RBM33: variants seen among roughly 807,000 people sequenced by gnomAD.
The protein encoded by RBM33 is RNA binding motif protein 33, also known as RNA-binding protein 33.
Under a neutral mutation model 132.6 loss-of-function variants are expected in RBM33, and 28 were observed. The ratio of observed to expected loss-of-function variants is 0.21; its 90% CI spans 0.16 to 0.29. RBM33 has a LOEUF of 0.29. Among genes scored for constraint, RBM33 ranks in the 10% least tolerant of loss-of-function variants. RBM33 has a pLI of 1.00. For missense variants in RBM33, 1,291 were observed against 1,518.5 expected, an observed-to-expected ratio of 0.85 and a Z score of 2.49; for synonymous variants, 634 against 593.0, an observed-to-expected ratio of 1.07 and a Z score of -1.01.
At chr7:155,715,811 A>G (rs551907505) in intron 8 of RBM33, among the ~76,000 whole-genome samples, 2 of 152,366 alleles carry the variant, frequency 1.3e-5, no homozygotes, top group African/African-American at 2.4e-5. Context: ...CTGAATATCA[A>G]GATGTCTCCT....
rs753401423 is a variant in RBM33, at chr7:155,763,967, G to T, written c.3135G>T (p.Ser1045=). ...PHLPAGPHAH[S]PVPPGIKSIQ... The stretch of plus-strand genomic sequence containing the variant: ...TGCCAGCGGGGCCCCACGCACACTC[G>T]CCTGTCCCTCCAGGGATCAAAAGCA... Residue 1045 remains serine (S), a synonymous_variant, in exon 15 of 18, where the codon TCG becomes TCT. Transcript: ENST00000401878. 1.3e-6 allele frequency: 2 copies of T among 1,595,514 alleles called. No individual in the cohort carries two copies. The highest frequency in any genetic ancestry group is 1.7e-6 in the Non-Finnish European group (2 of 1,171,300).
intron 14 of RBM33, chr7:155,746,372 A>G (rs892975662): frequency 7.2e-6 from 1 of 139,006 alleles, no homozygotes; most frequent in African/African-American, 2.8e-5. Flanking sequence ...TGCCCCATTT[A>G]AAAAAAAAAA....
At chr7:155,694,819 T>C (rs1799747456) in intron 5 of RBM33, among the ~76,000 whole-genome samples, 1 of 152,248 alleles carries the variant, frequency 6.6e-6, no homozygotes, top group Non-Finnish European at 1.5e-5. Flanking sequence ...ACATTTGGGT[T>C]GTTTCCAGTT....
chr7:155,738,385 C>G lies in RBM33; in HGVS notation c.1719C>G (p.His573Gln), dbSNP rs750376006. The change falls in exon 11 of 18, where the codon CAC (histidine) becomes CAG (glutamine). Residue 573 changes from histidine (H) to glutamine (Q), a missense_variant. His to Gln is a conservative substitution (Grantham distance 24, BLOSUM62 0). Coordinates refer to ENST00000401878, the MANE Select transcript of RBM33 (RefSeq NM_053043.3). ...PGPGQPFLPT[H>Q]TQPNLQGPLH... Reference sequence around the variant, plus strand: ...CAGGACAGCCGTTTCTGCCCACACACACACAGCCCAACCTGCAGGTAATGC... The same window carrying G: ...CAGGACAGCCGTTTCTGCCCACACAGACACAGCCCAACCTGCAGGTAATGC... 3 of 1,613,244 alleles carry G rather than the reference C, an allele frequency of 1.9e-6. No individual in the cohort carries two copies. The African/African-American group carries it at 4.0e-5, about 22-fold the overall frequency.
intron 15 of RBM33, among the ~76,000 whole-genome samples, chr7:155,765,582 G>A (rs192257025): frequency 7.9e-5 from 12 of 152,154 alleles, no homozygotes; most frequent in South Asian, 4.2e-4. Context: ...CATTCTGCCC[G>A]AACTCCCCAA....
intron 9 of RBM33, among the ~76,000 whole-genome samples, chr7:155,729,908 C>T (rs569274265): frequency 2.8e-4 from 42 of 152,102 alleles, no homozygotes; most frequent in Non-Finnish European, 5.4e-4. Flanking sequence ...GTTCACTGCC[C>T]GAGGTCTAGG....
At chr7:155,719,473 T>C (rs1018176161) in intron 9 of RBM33, among the ~76,000 whole-genome samples, 3 of 152,218 alleles carry the variant, frequency 2.0e-5, no homozygotes, top group Non-Finnish European at 4.4e-5. Flanking sequence ...CTTGTAGTTA[T>C]GAATTATGAC....
intron 14 of RBM33, among the ~76,000 whole-genome samples, chr7:155,749,883 G>C (rs1225729205): frequency 6.6e-6 from 1 of 152,222 alleles, no homozygotes; most frequent in East Asian, 1.9e-4. Flanking sequence ...GAACATTTCT[G>C]TGTGAATCAA....
intron 9 of RBM33, among the ~76,000 whole-genome samples, chr7:155,724,387 G>T (rs994827800): frequency 2.6e-5 from 4 of 152,146 alleles, no homozygotes; most frequent in African/African-American, 9.7e-5. Context: ...AATTAGTTGG[G>T]CATGGTGGCG....
chr7:155,717,493 C>T (rs1255509146), intron 8 of RBM33, among the ~76,000 whole-genome samples: 3 of 66,568 alleles, frequency 4.5e-5, no homozygotes, highest in African/African-American at 1.3e-4. Flanking sequence ...TTCTGAGGTA[C>T]GGGGGGTTGG....
Position 155,664,479 on chromosome 7 carries a change from C to T in RBM33, c.44-696C>T, listed in dbSNP as rs116008571. Among the ~76,000 whole-genome samples, 571 of 151,732 alleles carry T rather than the reference C, an allele frequency of 3.8e-3. 4 individuals are homozygous for T. Among genetic ancestry groups the T allele is most frequent in the African/African-American group, 0.013 (550 of 41,338 alleles). ...AGAGGTGGGGCTTTGCTATGTTGGC[C>T]GAGCTGGTCTCAAACGCCTGACCTC... is the stretch of plus-strand genomic sequence containing the variant. On this transcript the variant is annotated intron_variant, in intron 1 of 17. Coordinates refer to ENST00000401878, the MANE Select transcript of RBM33 (RefSeq NM_053043.3).
chr7:155,718,259 G>A (rs1053359307), intron 8 of RBM33, 126 bp from the exon 9 acceptor site: 26 of 659,416 alleles, frequency 3.9e-5, no homozygotes, highest in Middle Eastern at 2.6e-4. Context: ...TAGCTTAAGC[G>A]TAAGCACAAT....
intron 9 of RBM33, among the ~76,000 whole-genome samples, chr7:155,722,693 G>A (rs1800663654): frequency 1.3e-5 from 2 of 152,120 alleles, no homozygotes; most frequent in South Asian, 4.1e-4. Context: ...ATTTTAACAT[G>A]TTGTTTTGAG....
chr7:155,648,698 A>G (rs1217255170), intron 1 of RBM33, among the ~76,000 whole-genome samples: 1 of 152,122 alleles, frequency 6.6e-6, no homozygotes, highest in African/African-American at 2.4e-5. Flanking sequence ...AGGAGTCGGG[A>G]AAGAATAGCC....
At chr7:155,764,810 G>A (rs752479891) in intron 15 of RBM33, among the ~76,000 whole-genome samples, 2 of 152,212 alleles carry the variant, frequency 1.3e-5, no homozygotes, top group Admixed American at 6.5e-5. Context: ...ATTCTCCCTC[G>A]TCATCTCGTC....
chr7:155,680,407 GTT>G (rs1393387106), intron 4 of RBM33, among the ~76,000 whole-genome samples, 181 bp from the exon 5 acceptor site: 1 of 152,196 alleles, frequency 6.6e-6, no homozygotes, highest in Non-Finnish European at 1.5e-5. Flanking sequence ...CGCATTAAGG[GTT>G]TAGGGCACTG....
chr7:155,724,303 T>C (rs1800714442), intron 9 of RBM33, among the ~76,000 whole-genome samples: 1 of 152,156 alleles, frequency 6.6e-6, no homozygotes, highest in African/African-American at 2.4e-5. Context: ...CTGAGGTGGG[T>C]GGCTCACTTG....
At chr7:155,646,578 T>A (rs1798201546) in intron 1 of RBM33, among the ~76,000 whole-genome samples, 1 of 152,250 alleles carries the variant, frequency 6.6e-6, no homozygotes, top group Non-Finnish European at 1.5e-5. Flanking sequence ...TCGCATGGAC[T>A]GCTCCTGTAC....
At chr7:155,717,625 T>A (rs1278196318) in intron 8 of RBM33, among the ~76,000 whole-genome samples, 1 of 152,154 alleles carries the variant, frequency 6.6e-6, no homozygotes, top group Non-Finnish European at 1.5e-5. Flanking sequence ...CACATTTTGC[T>A]GTAAGACGTA....
Sources: allele counts gnomAD v4.1 joint callset (sites outside exome capture counted in the v4.1 genomes callset), GRCh38; gene constraint gnomAD v4.1.1; transcripts MANE v1.5; gene names NCBI Gene and HGNC (gene_info 2026-07-23, HGNC 2026-07-21).